The following NTM variants were observed in gnomAD, a reference collection of about 807,000 sequenced individuals.
The protein encoded by NTM is neurotrimin.
Under a neutral mutation model 42.1 loss-of-function variants are expected in NTM, and 13 were observed. The observed-to-expected ratio is 0.31, with a 90% CI of 0.20 to 0.49. The LOEUF is 0.49. Among genes scored for constraint, NTM ranks in the 20% least tolerant of loss-of-function variants. The pLI, the probability that NTM is intolerant of heterozygous loss-of-function variation, is 0.99. For synonymous variants in NTM, 187 were observed against 179.2 expected, an observed-to-expected ratio of 1.04 and a Z score of -0.35; for missense variants, 373 against 452.8, an observed-to-expected ratio of 0.82 and a Z score of 1.60.
chr11:132,070,518 A>T (rs1296329336), intron 2 of NTM, among the ~76,000 whole-genome samples: 8 of 120,942 alleles, frequency 6.6e-5, no homozygotes, highest in African/African-American at 9.6e-5. Context: ...AACACGTCAC[A>T]CAGCCAAGTT....
intron 1 of NTM, among the ~76,000 whole-genome samples, chr11:131,546,275 G>A (rs778603854): frequency 4.9e-4 from 75 of 152,104 alleles, no homozygotes; most frequent in Admixed American, 5.9e-4. Flanking sequence ...AACTAAACCC[G>A]GTTCTTCTTT....
chr11:131,642,652 A>G (rs963153911), intron 1 of NTM, among the ~76,000 whole-genome samples: 7 of 152,124 alleles, frequency 4.6e-5, no homozygotes, highest in Non-Finnish European at 8.8e-5. Context: ...AGGGGAAGGA[A>G]AAGAAATGGA....
chr11:131,752,111 C>T (rs2082634015), intron 1 of NTM, among the ~76,000 whole-genome samples: 1 of 152,060 alleles, frequency 6.6e-6, no homozygotes, highest in Non-Finnish European at 1.5e-5. Flanking sequence ...TGATGGTAAC[C>T]AACTGTTGGG....
chr11:132,134,250 C>A (rs1228690967), intron 2 of NTM, among the ~76,000 whole-genome samples: 40 of 152,176 alleles, frequency 2.6e-4, no homozygotes, highest in Admixed American at 2.6e-3. Context: ...ATACCTTTTT[C>A]TTCCTAGGGG....
At chr11:131,715,131 G>GTTATATA (rs2077554523) in intron 1 of NTM, among the ~76,000 whole-genome samples, 1 of 152,140 alleles carries the variant, frequency 6.6e-6, no homozygotes, top group Non-Finnish European at 1.5e-5. Context: ...ATTAGATGGG[G>GTTATATA]GCCAGGCCAC....
rs148951560 is a variant in NTM at position 131,714,706 on chromosome 11, C to G, written c.83-196858C>G. On this transcript the variant is annotated intron_variant, in intron 1 of 8. Coordinates refer to ENST00000683400, the MANE Select transcript of NTM (RefSeq NM_001352005.2). ...ACACATGCCACTATTTGGAGTAGCA[C>G]AGTGTAAGTCATGTGTCCCATCTCT... Among the ~76,000 whole-genome samples, 365 of 152,260 alleles carry G rather than the reference C, an allele frequency of 2.4e-3. 1 individual carries two copies. The highest frequency in any genetic ancestry group is 8.1e-3 in the African/African-American group (338 of 41,552).
intron 1 of NTM, among the ~76,000 whole-genome samples, chr11:131,567,409 C>G (rs1196308211): frequency 6.6e-6 from 1 of 152,076 alleles, no homozygotes; most frequent in Non-Finnish European, 1.5e-5. Context: ...ATGGCTTGAA[C>G]CTGGGAGGCA....
At chr11:131,617,083 G>T (rs534617077) in intron 1 of NTM, among the ~76,000 whole-genome samples, 1 of 152,240 alleles carries the variant, frequency 6.6e-6, no homozygotes, top group African/African-American at 2.4e-5. Context: ...CAGAATTGTG[G>T]GGCTGGACGC....
At chr11:132,225,481 C>T (rs2086030127) in intron 4 of NTM, among the ~76,000 whole-genome samples, 1 of 152,032 alleles carries the variant, frequency 6.6e-6, no homozygotes, top group Non-Finnish European at 1.5e-5. Context: ...ACTGCAAATC[C>T]AAGGCCATGA....
intron 1 of NTM, among the ~76,000 whole-genome samples, chr11:131,395,129 G>C (rs538153144): frequency 1.3e-5 from 2 of 152,250 alleles, no homozygotes; most frequent in South Asian, 4.2e-4. Context: ...TCTCAGTCCT[G>C]CTCTCAGCCT....
intron 3 of NTM, among the ~76,000 whole-genome samples, chr11:132,195,426 C>A (rs2080026722): frequency 6.7e-6 from 1 of 149,836 alleles, no homozygotes; most frequent in African/African-American, 2.5e-5. Flanking sequence ...CATCATTTTT[C>A]ACAAAATTAG....
At chr11:132,163,346 T>C (rs1373974124) in intron 3 of NTM, among the ~76,000 whole-genome samples, 4 of 152,208 alleles carry the variant, frequency 2.6e-5, no homozygotes, top group African/African-American at 4.8e-5. Context: ...GCTTCTCATG[T>C]CGTCGAACTT....
At chr11:131,942,114 G>A (rs1486825594) in intron 2 of NTM, among the ~76,000 whole-genome samples, 2 of 152,114 alleles carry the variant, frequency 1.3e-5, no homozygotes, top group African/African-American at 4.8e-5. Context: ...CAGGAAGATG[G>A]GCATTTAAAC....
At chr11:131,632,341 T>G (rs1196004773) in intron 1 of NTM, among the ~76,000 whole-genome samples, 2 of 152,230 alleles carry the variant, frequency 1.3e-5, no homozygotes, top group African/African-American at 4.8e-5. Flanking sequence ...ATTACTGGCT[T>G]CCAATTTGTT....
intron 2 of NTM, among the ~76,000 whole-genome samples, chr11:132,061,213 A>C (rs926378179): frequency 2.0e-5 from 3 of 152,252 alleles, no homozygotes; most frequent in Non-Finnish European, 2.9e-5. Context: ...ATCTCATAGC[A>C]GTTATCAGCT....
intron 4 of NTM, among the ~76,000 whole-genome samples, chr11:132,223,315 T>C (rs2085529391): frequency 6.6e-6 from 1 of 152,162 alleles, no homozygotes; most frequent in African/African-American, 2.4e-5. Context: ...TATATGGTAA[T>C]TGCTTTAGGG....
At chr11:131,945,515 T>G (rs539022736) in intron 2 of NTM, among the ~76,000 whole-genome samples, 127 of 152,302 alleles carry the variant, frequency 8.3e-4, no homozygotes, top group African/African-American at 2.6e-3. Flanking sequence ...CTAACACATG[T>G]AAGCCTATAC....
At chr11:132,272,896 T>C (rs1454244466) in intron 4 of NTM, among the ~76,000 whole-genome samples, 2 of 152,148 alleles carry the variant, frequency 1.3e-5, no homozygotes, top group Admixed American at 6.5e-5. Flanking sequence ...TAGAGTACAA[T>C]GTTGACTAGA....
At chr11:131,897,932 G>T (rs539565223) in intron 1 of NTM, among the ~76,000 whole-genome samples, 1 of 152,286 alleles carries the variant, frequency 6.6e-6, no homozygotes, top group Non-Finnish European at 1.5e-5. Flanking sequence ...TGTCAGTTGT[G>T]CCTGTTAATG....
Sources: allele counts gnomAD v4.1 joint callset (sites outside exome capture counted in the v4.1 genomes callset), GRCh38; gene constraint gnomAD v4.1.1; transcripts MANE v1.5; gene names NCBI Gene and HGNC (gene_info 2026-07-23, HGNC 2026-07-21).